The following SPICE1 variants were observed in gnomAD, a reference collection of about 807,000 sequenced individuals.
SPICE1 encodes the protein spindle and centriole associated protein 1.
SPICE1 carries 75 observed loss-of-function variants against 102.7 expected under a neutral mutation model. The observed-to-expected ratio is 0.73, with a 90% CI of 0.61 to 0.88. The LOEUF is 0.88. SPICE1 is among the 40% of genes least tolerant of loss of function. SPICE1 has a pLI of 0.00. For synonymous variants in SPICE1, 308 were observed against 350.3 expected (o/e 0.88, Z 1.35); for missense variants, 979 against 1,020.1 (o/e 0.96, Z 0.55).
chr3:113,504,445 G>T (rs571635294), intron 2 of SPICE1, among the ~76,000 whole-genome samples: 1 of 152,020 alleles, frequency 6.6e-6, no homozygotes, highest in Non-Finnish European at 1.5e-5. Context: ...AGGTACAAGA[G>T]CCAGGCATGG....
At chr3:113,479,826 T>G (rs1936449153) in intron 7 of SPICE1, among the ~76,000 whole-genome samples, 1 of 152,122 alleles carries the variant, frequency 6.6e-6, no homozygotes, top group South Asian at 2.1e-4. Context: ...ATGAATGTAT[T>G]AAATTCTCAA....
rs550613674 is a variant in SPICE1, at chr3:113,513,005, C to T, written c.-1+1892G>A. Among the ~76,000 whole-genome samples the T allele has an allele frequency of 7.2e-5, 11 of 152,260 alleles. 1 individual carries two copies. The East Asian group carries it at 2.1e-3, about 29-fold the overall frequency. ...AGCTGCTTTCTTGATCACAAAGGGGCAGTTCACATCCTCCCTCAGTGACCT... is the reference window on the plus strand; with the variant it reads ...AGCTGCTTTCTTGATCACAAAGGGGTAGTTCACATCCTCCCTCAGTGACCT... On this transcript the variant is annotated intron_variant, in intron 1 of 17. Transcript: ENST00000295872.
chr3:113,459,407 G>A, intron 12 of SPICE1: 3 of 897,996 alleles, frequency 3.3e-6, no homozygotes, highest in Non-Finnish European at 4.0e-6. Flanking sequence ...ACCCAAGAAT[G>A]ATCAATAAAT....
At chr3:113,460,418 T>A (rs1450622420) in intron 12 of SPICE1, 199 bp downstream of exon 12, 1 of 963,894 alleles carries the variant, frequency 1.0e-6, no homozygotes, top group East Asian at 1.1e-4. Flanking sequence ...AAATTATGCA[T>A]GTAAGACTTA....
intron 5 of SPICE1, 56 bp from the exon 6 acceptor site, chr3:113,493,368 C>T (rs963231796): frequency 7.3e-7 from 1 of 1,377,112 alleles, no homozygotes; most frequent in Non-Finnish European, 1.0e-6. Context: ...CTTGACTTCA[C>T]AAGCTCTATA....
At chr3:113,464,275 G>A (rs1413889488) in intron 11 of SPICE1, among the ~76,000 whole-genome samples, 1 of 135,720 alleles carries the variant, frequency 7.4e-6, no homozygotes, top group African/African-American at 2.8e-5. Context: ...TTTTTTTTTA[G>A]AGACAGGGTC....
intron 4 of SPICE1, among the ~76,000 whole-genome samples, chr3:113,495,903 C>G (rs1480310413): frequency 1.3e-5 from 2 of 152,190 alleles, no homozygotes; most frequent in Non-Finnish European, 2.9e-5. Flanking sequence ...ATATTGAGAC[C>G]TGATATTGAT....
chr3:113,471,215 G>T (rs1349910937), intron 7 of SPICE1, among the ~76,000 whole-genome samples: 1 of 152,164 alleles, frequency 6.6e-6, no homozygotes, highest in Non-Finnish European at 1.5e-5. Context: ...GCAAAAAAGG[G>T]GTAGGGGAAG....
chr3:113,493,230 A>G lies in SPICE1; in HGVS notation c.468T>C (p.Phe156=), dbSNP rs766936183. The G allele has an allele frequency of 2.1e-5, 33 of 1,609,508 alleles. No individual in the cohort carries two copies. Among genetic ancestry groups the G allele is most frequent in the African/African-American group, 2.7e-5 (2 of 74,610 alleles). Residue 156 remains phenylalanine, a synonymous_variant, in exon 6 of 18, where the codon TTT becomes TTC. Coordinates refer to ENST00000295872, the MANE Select transcript of SPICE1 (RefSeq NM_144718.4). ...CCTGAGGTTCTATGACAGACTCATT[A>G]AAGATAGATTGGGTGATAGGGTCTT... ...VNQDPITQSI[F]NESVIEPQAL...
rs1000579426 is a variant in SPICE1, at chr3:113,468,894, G to C, written c.757C>G (p.Leu253Val). The C allele has an allele frequency of 2.5e-6, 4 of 1,606,416 alleles. No homozygotes were observed. Among genetic ancestry groups the C allele is most frequent in the Admixed American group, 1.7e-5 (1 of 57,626 alleles). ...CTCTTGACAGCATTGGTAGCATTCA[G>C]AGCAGCTAAAAGGAAGAACATTTCC... ...ALSSGEQRAA[L>V]NATNAVKRLQ... is the part of the protein sequence containing the mutation. The change falls in exon 9 of 18, where the codon CTG (leucine) becomes GTG (valine). Residue 253 changes from leucine to valine, a missense_variant. Physicochemically the swap from Leu to Val is conservative, Grantham distance 32. Transcript: ENST00000295872.
At chr3:113,506,727 A>G in intron 1 of SPICE1, 122 bp from the exon 2 acceptor site, 2 of 690,076 alleles carry the variant, frequency 2.9e-6, no homozygotes, top group East Asian at 2.7e-5. Flanking sequence ...AAATTTAAGC[A>G]TGATGAAAGG....
chr3:113,473,381 A>T (rs1198228942), intron 7 of SPICE1, among the ~76,000 whole-genome samples: 1 of 152,116 alleles, frequency 6.6e-6, no homozygotes, highest in Non-Finnish European at 1.5e-5. Context: ...TATCCAGGAG[A>T]ACTTCCCCAA....
At chr3:113,461,687 GTAA>G (rs1199837173) in intron 11 of SPICE1, among the ~76,000 whole-genome samples, 5 of 152,126 alleles carry the variant, frequency 3.3e-5, no homozygotes, top group Admixed American at 2.0e-4. Context: ...CTGACACTCT[GTAA>G]TAATAACAAA....
intron 10 of SPICE1, 115 bp downstream of exon 10, chr3:113,468,024 A>C: frequency 7.3e-7 from 1 of 1,375,028 alleles, no homozygotes; most frequent in Non-Finnish European, 9.9e-7. Context: ...AGGTATTTTA[A>C]ACGAAGCTAT....
At chr3:113,472,305 C>A (rs954299501) in intron 7 of SPICE1, among the ~76,000 whole-genome samples, 1 of 152,242 alleles carries the variant, frequency 6.6e-6, no homozygotes, top group African/African-American at 2.4e-5. Flanking sequence ...TGGAGCCCAC[C>A]ACAGCTCAAG....
intron 1 of SPICE1, among the ~76,000 whole-genome samples, chr3:113,509,177 T>G (rs1038688795): frequency 6.6e-6 from 1 of 152,152 alleles, no homozygotes; most frequent in Admixed American, 6.5e-5. Flanking sequence ...GTTGCGCAAT[T>G]ATGTGAATTG....
chr3:113,490,434 G>C (rs1936740723), intron 6 of SPICE1, among the ~76,000 whole-genome samples: 1 of 152,064 alleles, frequency 6.6e-6, no homozygotes, highest in African/African-American at 2.4e-5. Context: ...GTGAGCCCAA[G>C]AGTTTGAGAC....
rs113342856 is a variant in SPICE1 at position 113,483,365 on chromosome 3, A to T, written c.611+5580T>A. 8.2e-3 allele frequency among the ~76,000 whole-genome samples: 1,249 copies of T among 152,192 alleles called. 21 individuals carry two copies. Among genetic ancestry groups the T allele is most frequent in the African/African-American group, 0.029 (1,188 of 41,510 alleles). ...GTCATCTGCAAACAGAGACAGTTTG[A>T]CTTCCTCTTTTCCTACTTGAATGCC... On this transcript the variant is annotated intron_variant, in intron 7 of 17. Coordinates refer to ENST00000295872, the MANE Select transcript of SPICE1 (RefSeq NM_144718.4).
At chr3:113,471,962 G>C (rs1038780131) in intron 7 of SPICE1, among the ~76,000 whole-genome samples, 3 of 152,286 alleles carry the variant, frequency 2.0e-5, no homozygotes, top group Admixed American at 1.3e-4. Flanking sequence ...GCAGTGCACC[G>C]TGCGCGAGCC....
Sources: allele counts gnomAD v4.1 joint callset (sites outside exome capture counted in the v4.1 genomes callset), GRCh38; gene constraint gnomAD v4.1.1; transcripts MANE v1.5; gene names NCBI Gene and HGNC (gene_info 2026-07-23, HGNC 2026-07-21).